The following ANKS1A variants were observed in gnomAD, a reference collection of about 807,000 sequenced individuals.
ANKS1A encodes the protein ankyrin repeat and sterile alpha motif domain containing 1A.
In ANKS1A, 55 loss-of-function variants were observed where a neutral mutation model predicts 120.3. That is an observed-to-expected ratio of 0.46 (90% CI 0.37 to 0.57). The LOEUF is 0.57. Ranked by LOEUF, ANKS1A falls within the 20% of genes least tolerant of loss-of-function variation. The pLI is 0.00. For missense variants in ANKS1A, 1,123 were observed against 1,480.3 expected, an observed-to-expected ratio of 0.76 and a Z score of 3.96; for synonymous variants, 590 against 604.7, an observed-to-expected ratio of 0.98 and a Z score of 0.36.
At chr6:35,074,436 CAAAAAAAAA>C (rs879350993) in intron 13 of ANKS1A, among the ~76,000 whole-genome samples, 2 of 133,528 alleles carry the variant, frequency 1.5e-5, no homozygotes, top group East Asian at 4.3e-4. Context: ...CCCATCTCTA[CAAAAAAAAA>C]AAATAGCCAG....
intron 11 of ANKS1A, among the ~76,000 whole-genome samples, chr6:35,031,517 T>C (rs1267824731): frequency 6.6e-6 from 1 of 152,190 alleles, no homozygotes; most frequent in Non-Finnish European, 1.5e-5. Context: ...CCCCTTGTGC[T>C]CTTGACCAGA....
chr6:35,006,366 G>C (rs997782663), intron 10 of ANKS1A, among the ~76,000 whole-genome samples: 8 of 151,586 alleles, frequency 5.3e-5, no homozygotes, highest in African/African-American at 1.9e-4. Context: ...AACTAAAAGA[G>C]TGTAATTGGA....
At chr6:35,013,724 A>G (rs1237849280) in intron 10 of ANKS1A, among the ~76,000 whole-genome samples, 1 of 152,248 alleles carries the variant, frequency 6.6e-6, no homozygotes, top group Non-Finnish European at 1.5e-5. Flanking sequence ...CTCTCACCAT[A>G]TTACCTTCTG....
intron 13 of ANKS1A, among the ~76,000 whole-genome samples, chr6:35,064,725 G>A (rs897513926): frequency 6.6e-6 from 1 of 152,266 alleles, no homozygotes; most frequent in South Asian, 2.1e-4. Context: ...GCCACTGCCA[G>A]CCTAAGCGAG....
intron 1 of ANKS1A, among the ~76,000 whole-genome samples, chr6:34,920,188 C>T (rs955287471): frequency 2.6e-5 from 4 of 151,998 alleles, no homozygotes; most frequent in Non-Finnish European, 5.9e-5. Context: ...TCCCCATCTT[C>T]TCATTAGAGT....
At chr6:35,013,264 A>G (rs771918569) in intron 10 of ANKS1A, among the ~76,000 whole-genome samples, 2 of 152,162 alleles carry the variant, frequency 1.3e-5, no homozygotes, top group South Asian at 2.1e-4. Flanking sequence ...TAAAGCATCT[A>G]TTGAGGCAGA....
the ANKS1A span, among the ~76,000 whole-genome samples, chr6:35,096,915 C>A: frequency 2.3e-5 from 3 of 132,610 alleles, no homozygotes; most frequent in Non-Finnish European, 5.1e-5. Context: ...AAAAAAAAAA[C>A]ACACACAAAC....
chr6:34,983,289 A>G, intron 6 of ANKS1A, 35 bp from the exon 7 acceptor site: 1 of 1,611,926 alleles, frequency 6.2e-7, no homozygotes, highest in Non-Finnish European at 8.5e-7. Flanking sequence ...TTGGTGCAGC[A>G]CTTTTTATTT....
chr6:34,946,598 AAAG>A (rs1769811227), intron 1 of ANKS1A, among the ~76,000 whole-genome samples: 1 of 151,828 alleles, frequency 6.6e-6, no homozygotes, highest in Non-Finnish European at 1.5e-5. Context: ...GAAAAAAAAA[AAAG>A]GGGGGGTTAA....
chr6:34,926,135 G>A (rs1242561043), intron 1 of ANKS1A, among the ~76,000 whole-genome samples: 2 of 152,182 alleles, frequency 1.3e-5, no homozygotes, highest in African/African-American at 2.4e-5. Context: ...TTCCCTCTGT[G>A]GTATGGTTTG....
downstream of ANKS1A, chr6:35,091,516 C>T (rs1001968556): frequency 1.7e-5 from 13 of 779,370 alleles, no homozygotes; most frequent in Non-Finnish European, 1.9e-5. Context: ...CATCCTACAC[C>T]GTTTGGCTGA....
At chr6:35,051,768 G>A (rs1775982885) in intron 11 of ANKS1A, among the ~76,000 whole-genome samples, 1 of 152,184 alleles carries the variant, frequency 6.6e-6, no homozygotes, top group Non-Finnish European at 1.5e-5. Flanking sequence ...ATAACATTTT[G>A]TATCTTTTGA....
intron 1 of ANKS1A, among the ~76,000 whole-genome samples, chr6:34,901,854 T>G (rs1221125588): frequency 3.3e-5 from 5 of 152,240 alleles, no homozygotes; most frequent in Middle Eastern, 3.4e-3. Context: ...GGGTCCTATT[T>G]TATGCAGAAT....
At chr6:35,087,975 A>T (rs35095464) in intron 23 of ANKS1A, among the ~76,000 whole-genome samples, 2 of 152,180 alleles carry the variant, frequency 1.3e-5, no homozygotes, top group African/African-American at 2.4e-5. Context: ...ACCAACGAGG[A>T]GGCGGCCTGT....
Position 35,089,671 on chromosome 6 carries a change from G to T in ANKS1A, c.*1062G>T. 1.0e-6 allele frequency: 1 copy of T among 991,628 alleles called. No homozygotes were observed. Among genetic ancestry groups the T allele is most frequent in the Non-Finnish European group, 1.2e-6 (1 of 833,734 alleles). 61.4% of individuals were successfully genotyped at this position (991,628 alleles called of 1,614,324 possible). On this transcript the variant is annotated 3_prime_UTR_variant, in exon 24 of 24. Transcript: ENST00000360359. Reference sequence around the variant, plus strand: ...TGACAGTGCATCGATGCTCCCCCGCGTGGCCTTTGGGGCAGGCTGGCATCC... The same window carrying T: ...TGACAGTGCATCGATGCTCCCCCGCTTGGCCTTTGGGGCAGGCTGGCATCC...
chr6:34,934,414 C>T (rs1326628796), intron 1 of ANKS1A, among the ~76,000 whole-genome samples: 1 of 152,246 alleles, frequency 6.6e-6, no homozygotes, highest in African/African-American at 2.4e-5. Context: ...TCCCAAAGTG[C>T]TGGGATTACA....
chr6:34,891,491 A>T (rs1157088977), intron 1 of ANKS1A, among the ~76,000 whole-genome samples: 1 of 152,242 alleles, frequency 6.6e-6, no homozygotes, highest in Non-Finnish European at 1.5e-5. Context: ...ACAAGACTGT[A>T]CAGGTTTGGA....
At chr6:34,981,635 C>T in intron 3 of ANKS1A, 55 bp from the exon 4 acceptor site, 1 of 1,566,800 alleles carries the variant, frequency 6.4e-7, no homozygotes, top group Non-Finnish European at 8.7e-7. Context: ...TTGTCCCAGT[C>T]AGGTGCCTGT....
At chr6:34,956,936 G>A (rs1308831139) in intron 1 of ANKS1A, among the ~76,000 whole-genome samples, 1 of 152,152 alleles carries the variant, frequency 6.6e-6, no homozygotes, top group Non-Finnish European at 1.5e-5. Context: ...TTTGTATTAA[G>A]TCCCAGTTTT....
Sources: allele counts gnomAD v4.1 joint callset (sites outside exome capture counted in the v4.1 genomes callset), GRCh38; gene constraint gnomAD v4.1.1; transcripts MANE v1.5; gene names NCBI Gene and HGNC (gene_info 2026-07-23, HGNC 2026-07-21).